KIAA1586: variants seen among roughly 807,000 people sequenced by gnomAD.
The protein encoded by KIAA1586 is KIAA1586.
A neutral mutation model predicts 6.1 loss-of-function variants in KIAA1586; 5 were observed. That is an observed-to-expected ratio of 0.82 (90% CI 0.43 to 1.73). The LOEUF is 1.73. Ranked by LOEUF, KIAA1586 falls within the 40% of genes most tolerant of loss-of-function variation. KIAA1586 has a pLI of 0.02. For missense variants in KIAA1586, 899 were observed against 878.2 expected (o/e 1.02, Z -0.30); for synonymous variants, 280 against 301.7 (o/e 0.93, Z 0.75).
At chr6:57,050,274 G>T in intron 2 of KIAA1586, among the ~76,000 whole-genome samples, 1 of 148,838 alleles carries the variant, frequency 6.7e-6, no homozygotes. Flanking sequence ...TTTACTAGCA[G>T]GAACAGTATT....
At chr6:57,062,194 G>T in the KIAA1586 span, among the ~76,000 whole-genome samples, 3 of 152,166 alleles carry the variant, frequency 2.0e-5, no homozygotes, top group African/African-American at 4.8e-5. Flanking sequence ...GCCTCCAAAA[G>T]TTCCAGGATA....
chr6:57,065,398 C>T, the KIAA1586 span, among the ~76,000 whole-genome samples: 2 of 152,054 alleles, frequency 1.3e-5, no homozygotes, highest in African/African-American at 4.8e-5. Context: ...TCATTTTATT[C>T]AGAAGCTGTC....
chr6:57,060,222 G>T (rs1176083731), downstream of KIAA1586, among the ~76,000 whole-genome samples: 2 of 152,082 alleles, frequency 1.3e-5, no homozygotes, highest in Non-Finnish European at 2.9e-5. Context: ...TATCTGGGGT[G>T]GTTTTGGTCT....
downstream of KIAA1586, among the ~76,000 whole-genome samples, chr6:57,057,229 GAAA>G (rs796588929): frequency 1.5e-5 from 2 of 131,264 alleles, no homozygotes; most frequent in African/African-American, 5.6e-5. Context: ...CTTTGTCTCA[GAAA>G]AAAAAAAAAA....
chr6:57,052,870 CAAAG>C lies in KIAA1586; in HGVS notation c.379_382del (p.Glu127Ter). The C allele has an allele frequency of 6.2e-7, 1 of 1,612,532 alleles. No homozygotes were observed. Among genetic ancestry groups the C allele is most frequent in the Non-Finnish European group, 8.5e-7 (1 of 1,179,538 alleles). ...ATTGAAGAAAAGCCATCACTTTCAT[CAAAG>C]AAAGAAATAGATAATCTTGTGCTTC... On this transcript the variant is annotated frameshift_variant, in exon 4 of 4. Transcript: ENST00000370733. LOFTEE classifies it low-confidence loss of function (END_TRUNC).
Position 57,052,743 on chromosome 6 carries a change from A to G in KIAA1586, c.244A>G (p.Lys82Glu). 1.9e-6 allele frequency: 3 copies of G among 1,596,004 alleles called. No homozygotes were observed. Among genetic ancestry groups the G allele is most frequent in the Non-Finnish European group, 1.7e-6 (2 of 1,172,942 alleles). The change falls in exon 4 of 4, where the codon AAG (lysine) becomes GAG (glutamate). Residue 82 changes from lysine to glutamate, a missense_variant. Lys to Glu is a moderately conservative substitution (Grantham distance 56). Transcript: ENST00000370733. ...TGATTTTTTGCATTTTTTAAATGTG[A>G]AGAAGGTGAAAACAGACACAGAAAA... ...QGDFLHFLNV[K>E]KVKTDTENNE...
At chr6:57,051,510 GATTT>G (rs1238024476) in intron 3 of KIAA1586, among the ~76,000 whole-genome samples, 1 of 151,668 alleles carries the variant, frequency 6.6e-6, no homozygotes, top group Non-Finnish European at 1.5e-5. Flanking sequence ...ACTAGAATTT[GATTT>G]ATTATTTGTT....
At chr6:57,056,379 T>C (rs1055054462), downstream of KIAA1586, among the ~76,000 whole-genome samples, 2 of 150,446 alleles carry the variant, frequency 1.3e-5, no homozygotes, top group Non-Finnish European at 3.0e-5. Context: ...GCTAATTTTT[T>C]TGTATTTTTT....
chr6:57,055,407 A>T (rs1248587865), downstream of KIAA1586, among the ~76,000 whole-genome samples: 1 of 151,980 alleles, frequency 6.6e-6, no homozygotes, highest in Non-Finnish European at 1.5e-5. Flanking sequence ...TTTTTCAGTA[A>T]TACATTTTAC....
At chr6:57,065,910 A>G in the KIAA1586 span, among the ~76,000 whole-genome samples, 1 of 152,162 alleles carries the variant, frequency 6.6e-6, no homozygotes, top group Non-Finnish European at 1.5e-5. Flanking sequence ...ATTAAAATCC[A>G]TGCATATTTC....
chr6:57,054,286 ATAAATT>A lies in KIAA1586; in HGVS notation c.1791_1796del (p.Lys597_Phe598del). The A allele has an allele frequency of 1.9e-6, 3 of 1,580,098 alleles. No homozygotes were observed. The highest frequency in any genetic ancestry group is 1.2e-5 in the South Asian group (1 of 86,418). Reference sequence around the variant, plus strand: ...AAAGATATTCCATTTAATAAAAACAATAAATTTAATGCTCTTCCTAGGAGTATATTA... The same window carrying A: ...AAAGATATTCCATTTAATAAAAACAATAATGCTCTTCCTAGGAGTATATTA... On this transcript the variant is annotated inframe_deletion, in exon 4 of 4. Transcript: ENST00000370733.
chr6:57,051,673 C>G (rs1293190856), intron 3 of KIAA1586, among the ~76,000 whole-genome samples: 1 of 152,074 alleles, frequency 6.6e-6, no homozygotes, highest in East Asian at 1.9e-4. Context: ...GTGGCTCACA[C>G]CTGTAATCCC....
chr6:57,052,695 C>A lies in KIAA1586; in HGVS notation c.196C>A (p.Pro66Thr). 1.3e-6 allele frequency: 2 copies of A among 1,551,598 alleles called. No homozygotes were observed. The highest frequency in any genetic ancestry group is 1.4e-5 in the African/African-American group (1 of 72,290). Reference sequence around the variant, plus strand: ...TAAAATTATTTTTCAGATTCTGTTTCCTAAAATGCCAAAACGACAGGGTGA... The same window carrying A: ...TAAAATTATTTTTCAGATTCTGTTTACTAAAATGCCAAAACGACAGGGTGA... The part of the protein sequence containing the change: ...PSAYYSDILF[P>T]KMPKRQGDFL... Residue 66 changes from proline to threonine, a missense_variant, in exon 4 of 4, where the codon CCT (proline) becomes ACT (threonine). Pro to Thr is a conservative substitution (Grantham distance 38). Coordinates refer to ENST00000370733, the MANE Select transcript of KIAA1586 (RefSeq NM_020931.4).
At chr6:57,048,701 G>A (rs1828245844) in intron 2 of KIAA1586, among the ~76,000 whole-genome samples, 2 of 152,174 alleles carry the variant, frequency 1.3e-5, no homozygotes, top group Admixed American at 1.3e-4. Flanking sequence ...TATAAAAACA[G>A]GAATGATTGG....
At chr6:57,057,486 T>G (rs1214206795), downstream of KIAA1586, among the ~76,000 whole-genome samples, 4 of 151,856 alleles carry the variant, frequency 2.6e-5, no homozygotes, top group African/African-American at 7.3e-5. Context: ...GGTGCAGTGG[T>G]TCACACGTGT....
At position 57,054,277 on chromosome 6, in the gene KIAA1586, A is replaced by AT. The variant is rs1454880264; in HGVS notation, c.1779dup (p.Lys594Ter). Reference sequence around the variant, plus strand: ...GATAAGTTTAAAGATATTCCATTTAATAAAAACAATAAATTTAATGCTCTT... The same window carrying AT: ...GATAAGTTTAAAGATATTCCATTTAATTAAAAACAATAAATTTAATGCTCTT... On this transcript the variant is annotated frameshift_variant, in exon 4 of 4. Transcript: ENST00000370733. LOFTEE classifies it low-confidence loss of function (END_TRUNC). 18 of 1,580,346 alleles carry AT rather than the reference A, an allele frequency of 1.1e-5. No homozygotes were observed. Among genetic ancestry groups the AT allele is most frequent in the Non-Finnish European group, 1.5e-5 (18 of 1,165,796 alleles).
the KIAA1586 span, among the ~76,000 whole-genome samples, chr6:57,065,331 C>G: frequency 1.1e-4 from 16 of 152,200 alleles, no homozygotes; most frequent in Non-Finnish European, 1.8e-4. Context: ...CCAATGTGCT[C>G]ATACCAAAGA....
In KIAA1586 at chr6:57,054,775, A is replaced by C. The variant is rs557713058; in HGVS notation, c.2276A>C (p.Asn759Thr). 4.5e-6 allele frequency: 7 copies of C among 1,551,412 alleles called. No individual in the cohort carries two copies. The East Asian group carries it at 1.7e-4, about 38-fold the overall frequency. ...TTTGTAAAATCTTGGTCAAATTGCA[A>C]CCACAGGTTGGCTACAGATACAAGA... is the stretch of plus-strand genomic sequence containing the variant. ...TPFVKSWSNC[N>T]HRLATDTRVR... Residue 759 changes from asparagine (N) to threonine (T), a missense_variant, in exon 4 of 4, where the codon AAC becomes ACC. Transcript: ENST00000370733.
At chr6:57,058,118 G>A (rs1047830401), downstream of KIAA1586, among the ~76,000 whole-genome samples, 13 of 151,680 alleles carry the variant, frequency 8.6e-5, no homozygotes, top group Non-Finnish European at 1.6e-4. Flanking sequence ...AAATCTCTGC[G>A]TGTGTTATAA....
Sources: gnomAD v4.1 joint callset for allele counts (sites outside exome capture counted in the v4.1 genomes callset) on GRCh38, gnomAD v4.1.1 for gene constraint, MANE v1.5 for transcripts, NCBI Gene and HGNC (gene_info 2026-07-23, HGNC 2026-07-21) for gene names.